Variants in CENPW observed in about 807,000 individuals in gnomAD.
CENPW encodes the protein centromere protein W.
Under a neutral mutation model 11.1 loss-of-function variants are expected in CENPW, and 3 were observed. That is an observed-to-expected ratio of 0.27 (90% CI 0.12 to 0.70). CENPW has a LOEUF of 0.70. Ranked by LOEUF, CENPW falls within the 30% of genes least tolerant of loss-of-function variation. The pLI is 0.77. For synonymous variants in CENPW, 38 were observed against 42.0 expected (o/e 0.91, Z 0.37); for missense variants, 100 against 105.6 (o/e 0.95, Z 0.23).
the CENPW span, among the ~76,000 whole-genome samples, chr6:126,354,519 A>G: frequency 6.6e-6 from 1 of 152,166 alleles, no homozygotes; most frequent in African/African-American, 2.4e-5. Flanking sequence ...AAAAAACTGC[A>G]ATTACTTTTG....
chr6:126,425,888 T>C, the CENPW span, among the ~76,000 whole-genome samples: 2 of 152,174 alleles, frequency 1.3e-5, no homozygotes, highest in Admixed American at 1.3e-4. Flanking sequence ...GGATACTTTT[T>C]TTTTAGCCAG....
chr6:126,463,382 A>G, the CENPW span, among the ~76,000 whole-genome samples: 1 of 152,084 alleles, frequency 6.6e-6, no homozygotes, highest in Non-Finnish European at 1.5e-5. Context: ...TCTCCTTTAA[A>G]AGAGTATAAA....
the CENPW span, among the ~76,000 whole-genome samples, chr6:126,466,471 T>A: frequency 6.6e-6 from 1 of 152,108 alleles, no homozygotes; most frequent in Non-Finnish European, 1.5e-5. Context: ...GATTTCTCAT[T>A]TTTGGAGTTG....
the CENPW span, among the ~76,000 whole-genome samples, chr6:126,412,788 A>G: frequency 2.6e-5 from 4 of 151,828 alleles, no homozygotes; most frequent in African/African-American, 4.8e-5. Context: ...AGATTGAATA[A>G]TCTCTATTAA....
chr6:126,363,008 C>A, the CENPW span, among the ~76,000 whole-genome samples: 1 of 152,094 alleles, frequency 6.6e-6, no homozygotes, highest in African/African-American at 2.4e-5. Context: ...AAATATACTT[C>A]AAAATAAAAA....
chr6:126,378,654 G>A, the CENPW span, among the ~76,000 whole-genome samples: 1 of 152,074 alleles, frequency 6.6e-6, no homozygotes, highest in African/African-American at 2.4e-5. Flanking sequence ...AACAGGGAAT[G>A]GTAATTAATC....
chr6:126,371,923 G>A, the CENPW span, among the ~76,000 whole-genome samples: 5 of 151,750 alleles, frequency 3.3e-5, no homozygotes, highest in African/African-American at 1.2e-4. Flanking sequence ...CTGTGGTATC[G>A]GTTGTAATAA....
At chr6:126,451,286 G>A in the CENPW span, among the ~76,000 whole-genome samples, 1 of 150,796 alleles carries the variant, frequency 6.6e-6, no homozygotes, top group Non-Finnish European at 1.5e-5. Context: ...AAATAATTGA[G>A]TACTCAGAAT....
the CENPW span, among the ~76,000 whole-genome samples, chr6:126,478,572 A>AT: frequency 1.3e-5 from 2 of 152,008 alleles, no homozygotes; most frequent in Non-Finnish European, 2.9e-5. Flanking sequence ...TTTTCTGTCC[A>AT]TCCCAGTTTT....
the CENPW span, among the ~76,000 whole-genome samples, chr6:126,376,825 G>A: frequency 6.6e-6 from 1 of 152,132 alleles, no homozygotes; most frequent in Admixed American, 6.5e-5. Context: ...TTGATAAAAG[G>A]AGAGAAGAGC....
the CENPW span, among the ~76,000 whole-genome samples, chr6:126,414,887 A>C: frequency 6.6e-6 from 1 of 152,022 alleles, no homozygotes; most frequent in African/African-American, 2.4e-5. Flanking sequence ...AAGAAGACTC[A>C]CACAAATAAA....
At chr6:126,413,068 G>T in the CENPW span, among the ~76,000 whole-genome samples, 2 of 151,994 alleles carry the variant, frequency 1.3e-5, no homozygotes, top group African/African-American at 4.8e-5. Context: ...AGTTATGTTT[G>T]TTTTCTGTAG....
At chr6:126,391,773 T>C in the CENPW span, among the ~76,000 whole-genome samples, 1 of 151,876 alleles carries the variant, frequency 6.6e-6, no homozygotes, top group African/African-American at 2.4e-5. Flanking sequence ...AAAAAATGAG[T>C]TCACTGTAGA....
chr6:126,381,502 T>A, the CENPW span, among the ~76,000 whole-genome samples: 1 of 152,198 alleles, frequency 6.6e-6, no homozygotes, highest in Non-Finnish European at 1.5e-5. Context: ...ACATCCACTG[T>A]CAAGACTAAC....
At chr6:126,442,212 A>T in the CENPW span, among the ~76,000 whole-genome samples, 14 of 151,646 alleles carry the variant, frequency 9.2e-5, no homozygotes, top group Non-Finnish European at 1.9e-4. Context: ...AGCGATGTTG[A>T]GCATTTTTTC....
the CENPW span, among the ~76,000 whole-genome samples, chr6:126,357,517 C>T: frequency 6.6e-6 from 1 of 151,946 alleles, no homozygotes; most frequent in Non-Finnish European, 1.5e-5. Flanking sequence ...GGCAGTATGG[C>T]CATTTTTATG....
the CENPW span, among the ~76,000 whole-genome samples, chr6:126,478,354 T>G: frequency 6.6e-6 from 1 of 151,696 alleles, no homozygotes; most frequent in East Asian, 1.9e-4. Flanking sequence ...GGAAAAAAAT[T>G]CTAGGTCTGC....
At chr6:126,357,286 A>G in the CENPW span, among the ~76,000 whole-genome samples, 3 of 152,048 alleles carry the variant, frequency 2.0e-5, no homozygotes, top group Non-Finnish European at 2.9e-5. Context: ...CCATTGGTCT[A>G]TGTGTCTGTT....
chr6:126,385,050 C>T, the CENPW span, among the ~76,000 whole-genome samples: 1 of 151,998 alleles, frequency 6.6e-6, no homozygotes, highest in East Asian at 1.9e-4. Context: ...AAATCAAAAC[C>T]ACCATAAGAT....
Sources: allele counts gnomAD v4.1 joint callset (sites outside exome capture counted in the v4.1 genomes callset), GRCh38; gene constraint gnomAD v4.1.1; transcripts MANE v1.5; gene names NCBI Gene and HGNC (gene_info 2026-07-23, HGNC 2026-07-21).